Variants in TRPM2 observed in about 807,000 individuals in gnomAD.
TRPM2 encodes the protein estrogen-responsive element-associated gene 1 protein.
Under a neutral mutation model 174.0 loss-of-function variants are expected in TRPM2, and 161 were observed. The ratio of observed to expected loss-of-function variants is 0.93; its 90% confidence interval spans 0.81 to 1.05. The LOEUF (loss-of-function observed/expected upper bound fraction) is 1.05. Among genes scored for constraint, TRPM2 ranks in the 50% least tolerant of loss-of-function variants. The pLI, the probability that TRPM2 is intolerant of heterozygous loss-of-function variation, is 0.00. For missense variants in TRPM2, 2,057 were observed against 2,038.0 expected (o/e 1.01, Z -0.18); for synonymous variants, 954 against 861.3 (o/e 1.11, Z -1.88).
intron 9 of TRPM2, among the ~76,000 whole-genome samples, chr21:44,389,776 T>C (rs1031476659): frequency 6.6e-6 from 1 of 152,224 alleles, no homozygotes; most frequent in African/African-American, 2.4e-5. Flanking sequence ...TATTTATATA[T>C]TCGGATACAA....
At chr21:44,440,298 T>C (rs534935101) in intron 30 of TRPM2, among the ~76,000 whole-genome samples, 292 of 11,650 alleles carry the variant, frequency 0.025, 6 homozygotes, top group African/African-American at 0.052. Flanking sequence ...GTTGCACCAC[T>C]GCGCTCAAAA....
intron 15 of TRPM2, among the ~76,000 whole-genome samples, chr21:44,401,277 C>T (rs1289013259): frequency 1.3e-5 from 2 of 152,166 alleles, no homozygotes; most frequent in African/African-American, 4.8e-5. Flanking sequence ...CAAGGAAAGC[C>T]TGTCCCCATT....
chr21:44,394,415 G>A (rs1433723729), intron 11 of TRPM2, among the ~76,000 whole-genome samples: 2 of 151,278 alleles, frequency 1.3e-5, no homozygotes, highest in Admixed American at 1.3e-4. Flanking sequence ...CACCTCCTGG[G>A]TTCAGGCCAT....
intron 16 of TRPM2, among the ~76,000 whole-genome samples, chr21:44,403,472 GCA>G (rs2049701954): frequency 6.6e-6 from 1 of 152,066 alleles, no homozygotes; most frequent in Non-Finnish European, 1.5e-5. Context: ...ACACACACAT[GCA>G]CACACATGCA....
Position 44,354,244 on chromosome 21 carries a change from G to A in TRPM2, c.165+379G>A, listed in dbSNP as rs2047994901. Among the ~76,000 whole-genome samples, 1 of 152,238 alleles carries A rather than the reference G, an allele frequency of 6.6e-6. No individual in the cohort carries two copies. Among genetic ancestry groups the A allele is most frequent in the African/African-American group, 2.4e-5 (1 of 41,464 alleles). ...GCCCTGGATACAAAGACACAAGTATGTTGAAAGCACATGGCATCTTGCAGT... is the reference window on the plus strand; with the variant it reads ...GCCCTGGATACAAAGACACAAGTATATTGAAAGCACATGGCATCTTGCAGT... On this transcript the variant is annotated intron_variant, in intron 1 of 31. Transcript: ENST00000397928. The surrounding 1 kb of genome is among the most constrained non-coding windows in gnomAD (Gnocchi z 4.3).
Position 44,389,104 on chromosome 21 carries a change from AATC to A in TRPM2, c.1319-1796_1319-1794del, listed in dbSNP as rs1414299858. ...AGCCTCCCTCCAGACTGGCTCTGGA[AATC>A]ATCTGTCTGCTTTCTGTCACTCTAG... On this transcript the variant is annotated intron_variant, in intron 9 of 31. Coordinates refer to ENST00000397928, the MANE Select transcript of TRPM2 (RefSeq NM_003307.4). Among the ~76,000 whole-genome samples the A allele has an allele frequency of 7.4e-4, 113 of 152,302 alleles. 2 individuals are homozygous for A. The highest frequency in any genetic ancestry group is 7.3e-3 in the Admixed American group (112 of 15,298).
Position 44,426,817 on chromosome 21 carries a change from GAGCCC to G in TRPM2, c.3872+87_3872+91del, listed in dbSNP as rs1415167195. 4 of 1,561,376 alleles carry G rather than the reference GAGCCC, an allele frequency of 2.6e-6. No homozygotes were observed. In the African/African-American group the frequency reaches 4.1e-5, roughly 16 times the overall value. On this transcript the variant is annotated intron_variant, in intron 26 of 31. Coordinates refer to ENST00000397928, the MANE Select transcript of TRPM2 (RefSeq NM_003307.4). ...GGGGCTCCCTTGAGAATCCCAGTCA[GAGCCC>G]AGCCCGGGGAGGTCCAGGTGAGCAG...
At position 44,439,708 on chromosome 21, in the gene TRPM2, C is replaced by T. The variant is rs2051419374; in HGVS notation, c.4269+540C>T. Among the ~76,000 whole-genome samples the T allele has an allele frequency of 6.6e-6, 1 of 152,154 alleles. No homozygotes were observed. Among genetic ancestry groups the T allele is most frequent in the South Asian group, 2.1e-4 (1 of 4,828 alleles). On this transcript the variant is annotated intron_variant, in intron 30 of 31. Coordinates refer to ENST00000397928, the MANE Select transcript of TRPM2 (RefSeq NM_003307.4). This position sits in a 1 kb window ranked among gnomAD's most constrained non-coding sequence, Gnocchi z 5.1. ...CATCTCCAGCTCTCTCACACAAATG[C>T]ATGCACACTTTTTTTTTAATTTTTA...
Position 44,366,862 on chromosome 21 carries a change from A to G in TRPM2, c.532A>G (p.Lys178Glu). 1 of 1,613,616 alleles carries G rather than the reference A, an allele frequency of 6.2e-7. No homozygotes were observed. The highest frequency in any genetic ancestry group is 1.1e-5 in the South Asian group (1 of 91,048). Residue 178 changes from lysine (K) to glutamate (E), a missense_variant, in exon 4 of 32, where the codon AAG becomes GAG. Lys to Glu is a moderately conservative substitution (Grantham distance 56). Transcript: ENST00000397928. The surrounding 1 kb of genome is among the most constrained non-coding windows in gnomAD (Gnocchi z 6.0). Reference sequence around the variant, plus strand: ...CTTGATCTCGGTGACCGGGGGGGCCAAGAACTTCAACATGAAGCCGCGGCT... The same window carrying G: ...CTTGATCTCGGTGACCGGGGGGGCCGAGAACTTCAACATGAAGCCGCGGCT... ...NLLISVTGGA[K>E]NFNMKPRLKS...
At chr21:44,373,682 TTGTC>T (rs2048612048) in intron 5 of TRPM2, among the ~76,000 whole-genome samples, 1 of 152,242 alleles carries the variant, frequency 6.6e-6, no homozygotes, top group Non-Finnish European at 1.5e-5. Flanking sequence ...TGGTTCCATT[TTGTC>T]TGTCAGTTTT....
chr21:44,435,582 G>C (rs143974972), intron 28 of TRPM2, among the ~76,000 whole-genome samples: 589 of 81,220 alleles, frequency 7.3e-3, no homozygotes, highest in African/African-American at 0.016. Context: ...GCCCCACACT[G>C]ACCCCTCAGA....
chr21:44,432,385 A>T lies in TRPM2; in HGVS notation c.3975-2746A>T, dbSNP rs1445664335. On this transcript the variant is annotated intron_variant, in intron 27 of 31. Transcript: ENST00000397928. The surrounding 1 kb of genome is among the most constrained non-coding windows in gnomAD (Gnocchi z 4.9). Reference sequence around the variant, plus strand: ...CTGTGTCTCTTCTGTTCTTAGGATTATAAATCGTACTGGGTTTAGGGCCAA... The same window carrying T: ...CTGTGTCTCTTCTGTTCTTAGGATTTTAAATCGTACTGGGTTTAGGGCCAA... Among the ~76,000 whole-genome samples, 1 of 152,178 alleles carries T rather than the reference A, an allele frequency of 6.6e-6. No homozygotes were observed. Among genetic ancestry groups the T allele is most frequent in the South Asian group, 2.1e-4 (1 of 4,830 alleles).
At chr21:44,393,044 A>T (rs2049233199) in intron 11 of TRPM2, among the ~76,000 whole-genome samples, 1 of 152,070 alleles carries the variant, frequency 6.6e-6, no homozygotes, top group Non-Finnish European at 1.5e-5. Flanking sequence ...ATCCAATGGG[A>T]ACCCTGCTCT....
chr21:44,436,989 C>G, intron 28 of TRPM2, 73 bp from the exon 29 acceptor site: 1 of 1,400,414 alleles, frequency 7.1e-7, no homozygotes, highest in Non-Finnish European at 9.8e-7. Flanking sequence ...CAGGCAGGGC[C>G]AGCCCCGCCG....
chr21:44,436,584 C>T (rs2051278094), intron 28 of TRPM2, among the ~76,000 whole-genome samples: 2 of 131,912 alleles, frequency 1.5e-5, no homozygotes, highest in South Asian at 2.6e-4. Flanking sequence ...ATGTCACCCC[C>T]ATGTCAACCC....
chr21:44,355,488 C>T lies in TRPM2; in HGVS notation c.254+752C>T, dbSNP rs573563386. 2.6e-5 allele frequency among the ~76,000 whole-genome samples: 4 copies of T among 152,332 alleles called. No individual in the cohort carries two copies. In the South Asian group the frequency reaches 8.3e-4, roughly 32 times the overall value. On this transcript the variant is annotated intron_variant, in intron 2 of 31. Coordinates refer to ENST00000397928, the MANE Select transcript of TRPM2 (RefSeq NM_003307.4). The stretch of plus-strand genomic sequence containing the variant: ...TATCCCTCAAGGCCTATTGCAGATG[C>T]TGCCTCTGCCGTGCAGCCTTCCGTG...
chr21:44,374,573 G>A (rs1043257345), intron 5 of TRPM2, among the ~76,000 whole-genome samples: 2 of 152,264 alleles, frequency 1.3e-5, no homozygotes, highest in East Asian at 1.9e-4. Flanking sequence ...CATCATCTGG[G>A]GGTGATGGGG....
chr21:44,412,586 G>T (rs572502815), intron 19 of TRPM2, among the ~76,000 whole-genome samples: 1 of 151,452 alleles, frequency 6.6e-6, no homozygotes, highest in Non-Finnish European at 1.5e-5. Flanking sequence ...TTGATTTCTC[G>T]ATCTCATTTA....
rs550115824 is a variant in TRPM2, at chr21:44,438,791, A to G, written c.4168-276A>G. On this transcript the variant is annotated intron_variant, in intron 29 of 31. Transcript: ENST00000397928. The surrounding 1 kb of genome is among the most constrained non-coding windows in gnomAD (Gnocchi z 5.9). ...TGCCCTGTCACCCTTGGGGAGTCTG[A>G]GCTCAGGGTGGGTACCCTGGGGGCT... is the stretch of plus-strand genomic sequence containing the variant. 1.1e-4 allele frequency among the ~76,000 whole-genome samples: 16 copies of G among 152,104 alleles called. No homozygotes were observed. The highest frequency in any genetic ancestry group is 8.5e-4 in the Admixed American group (13 of 15,290).
Sources: allele counts gnomAD v4.1 joint callset (sites outside exome capture counted in the v4.1 genomes callset), GRCh38; gene constraint gnomAD v4.1.1; non-coding constraint Gnocchi (gnomAD v3.1); transcripts MANE v1.5; gene names NCBI Gene and HGNC (gene_info 2026-07-23, HGNC 2026-07-21).